Variants in CDH12 observed in about 807,000 individuals in gnomAD.
The protein encoded by CDH12 is cadherin 12, also known as cadherin-12.
CDH12 carries 41 observed loss-of-function variants against 74.1 expected under a neutral mutation model. The ratio of observed to expected loss-of-function variants is 0.55; its 90% CI spans 0.43 to 0.72. CDH12 has a LOEUF of 0.72. CDH12 is among the 30% of genes least tolerant of loss of function. The pLI, the probability that CDH12 is intolerant of heterozygous loss-of-function variation, is 0.00. For synonymous variants in CDH12, 399 were observed against 355.0 expected (o/e 1.12, Z -1.39); for missense variants, 945 against 977.2 (o/e 0.97, Z 0.44).
chr5:22,846,740 C>T (rs566946926), intron 1 of CDH12, among the ~76,000 whole-genome samples: 1 of 152,234 alleles, frequency 6.6e-6, no homozygotes, highest in South Asian at 2.1e-4. Flanking sequence ...ATGACCTTCA[C>T]TTTTGTTTTT....
At position 22,288,580 on chromosome 5, in the gene CDH12, G is replaced by C. The variant is rs187597567; in HGVS notation, c.-332-75937C>G. Among the ~76,000 whole-genome samples the C allele has an allele frequency of 2.0e-4, 30 of 152,268 alleles. No individual in the cohort carries two copies. In the Middle Eastern group the frequency reaches 0.01, roughly 52 times the overall value. On this transcript the variant is annotated intron_variant, in intron 3 of 14. Coordinates refer to ENST00000382254, the MANE Select transcript of CDH12 (RefSeq NM_004061.5). ...TTTTTGGAAGACAGAAGAAGAATAA[G>C]TTAGTGACTAATCTATGTGAGCTGC... is the stretch of plus-strand genomic sequence containing the variant.
chr5:22,205,049 A>T (rs913901379), intron 4 of CDH12, among the ~76,000 whole-genome samples: 4 of 152,372 alleles, frequency 2.6e-5, no homozygotes, highest in Admixed American at 2.6e-4. Flanking sequence ...TAAGAGGTAC[A>T]CAATAGTTAC....
At chr5:22,044,869 C>A (rs1200152769) in intron 5 of CDH12, among the ~76,000 whole-genome samples, 3 of 152,128 alleles carry the variant, frequency 2.0e-5, no homozygotes, top group Non-Finnish European at 4.4e-5. Context: ...GGAAATGCTA[C>A]AAGTCATTTG....
At chr5:21,920,686 A>ATAATAATAATAATAATAATAATAATAC (rs1421552503) in intron 6 of CDH12, among the ~76,000 whole-genome samples, 8 of 150,004 alleles carry the variant, frequency 5.3e-5, no homozygotes, top group African/African-American at 1.9e-4. Flanking sequence ...AATAATAATA[A>ATAATAATAATAATAATAATAATAATAC]TAATCTTCAA....
At chr5:22,800,027 G>A (rs140029697) in intron 1 of CDH12, among the ~76,000 whole-genome samples, 42 of 152,238 alleles carry the variant, frequency 2.8e-4, no homozygotes, top group African/African-American at 9.9e-4. Flanking sequence ...AGGGCATTAC[G>A]TGATAAATGC....
At chr5:22,648,710 G>T (rs1739571018) in intron 1 of CDH12, among the ~76,000 whole-genome samples, 1 of 151,756 alleles carries the variant, frequency 6.6e-6, no homozygotes, top group African/African-American at 2.4e-5. Context: ...ATTTGGAGTT[G>T]TTTCTTTAGG....
At chr5:22,571,806 G>A (rs776981302) in intron 1 of CDH12, among the ~76,000 whole-genome samples, 1 of 152,066 alleles carries the variant, frequency 6.6e-6, no homozygotes, top group Non-Finnish European at 1.5e-5. Flanking sequence ...GGGGCAATCG[G>A]AACACATAAC....
At chr5:22,534,228 G>C (rs1737723063) in intron 1 of CDH12, among the ~76,000 whole-genome samples, 1 of 151,504 alleles carries the variant, frequency 6.6e-6, no homozygotes, top group Non-Finnish European at 1.5e-5. Flanking sequence ...GTAGGTTATT[G>C]GGAAACAGGT....
intron 2 of CDH12, among the ~76,000 whole-genome samples, chr5:22,406,525 T>C (rs549230458): frequency 6.6e-6 from 1 of 152,266 alleles, no homozygotes; most frequent in East Asian, 1.9e-4. Flanking sequence ...TCTCTCAAAA[T>C]ATGACTCTTT....
intron 5 of CDH12, among the ~76,000 whole-genome samples, chr5:22,043,784 G>A (rs1051502995): frequency 7.3e-5 from 11 of 150,590 alleles, no homozygotes; most frequent in Non-Finnish European, 1.2e-4. Context: ...AAAAGCAATA[G>A]TGTTGCTATA....
At chr5:22,131,171 T>C (rs1430301033) in intron 4 of CDH12, among the ~76,000 whole-genome samples, 3 of 152,126 alleles carry the variant, frequency 2.0e-5, no homozygotes, top group Non-Finnish European at 4.4e-5. Flanking sequence ...ACTCTATGTA[T>C]AGATATGTCT....
At chr5:22,673,342 G>C (rs1463586480) in intron 1 of CDH12, among the ~76,000 whole-genome samples, 1 of 152,114 alleles carries the variant, frequency 6.6e-6, no homozygotes, top group African/African-American at 2.4e-5. Flanking sequence ...AATACTTAAT[G>C]AATATAAACT....
chr5:22,520,965 A>G (rs1487018452), intron 1 of CDH12, among the ~76,000 whole-genome samples: 2 of 149,864 alleles, frequency 1.3e-5, no homozygotes, highest in African/African-American at 4.9e-5. Flanking sequence ...CAAGCAATCA[A>G]GCTTGCTCCC....
chr5:21,765,093 G>A lies in CDH12; in HGVS notation c.1400C>T (p.Pro467Leu), dbSNP rs755127598. Residue 467 changes from proline (P) to leucine (L), a missense_variant, in exon 12 of 15, where the codon CCT becomes CTT. Transcript: ENST00000382254. ...FSIIASKVSN[P>L]LLTSKVNILI... ...TATATTGACTTTGCTGGTCAATAAA[G>A]GGTTACCTGTTAAAAACATATAAAG... 1 of 1,571,178 alleles carries A rather than the reference G, an allele frequency of 6.4e-7. No homozygotes were observed. Among genetic ancestry groups the A allele is most frequent in the Non-Finnish European group, 8.6e-7 (1 of 1,161,542 alleles).
rs553856277 is a variant in CDH12, at chr5:22,456,362, T to C, written c.-428+48908A>G. Reference sequence around the variant, plus strand: ...TCAGCTCTCATGTGTCAGTGTGTATTGACTCCTGTACACTATTGCTAACAA... The same window carrying C: ...TCAGCTCTCATGTGTCAGTGTGTATCGACTCCTGTACACTATTGCTAACAA... On this transcript the variant is annotated intron_variant, in intron 2 of 14. Transcript: ENST00000382254. Among the ~76,000 whole-genome samples the C allele has an allele frequency of 3.9e-5, 6 of 152,110 alleles. No homozygotes were observed. In the South Asian group the frequency reaches 1.2e-3, roughly 32 times the overall value.
At position 22,701,643 on chromosome 5, in the gene CDH12, C is replaced by T. The variant is rs775319899; in HGVS notation, c.-523+151415G>A. ...TGTCCTAAAGCATTGCCTTTTATTA[C>T]TGGTTTTAGATCAATTTGGGAGGAA... On this transcript the variant is annotated intron_variant, in intron 1 of 14. Transcript: ENST00000382254. Among the ~76,000 whole-genome samples the T allele has an allele frequency of 3.9e-5, 6 of 152,016 alleles. No homozygotes were observed. The South Asian group carries it at 1.2e-3, about 32-fold the overall frequency.
chr5:22,832,460 G>A (rs1256033696), intron 1 of CDH12, among the ~76,000 whole-genome samples: 2 of 152,066 alleles, frequency 1.3e-5, no homozygotes, highest in Non-Finnish European at 2.9e-5. Flanking sequence ...GAATATAAGC[G>A]CTTGTTAAAA....
intron 1 of CDH12, among the ~76,000 whole-genome samples, chr5:22,693,036 A>G (rs1377790215): frequency 6.9e-6 from 1 of 144,540 alleles, no homozygotes; most frequent in African/African-American, 2.6e-5. Flanking sequence ...TTTTTTCTTG[A>G]CATGGTGTTT....
chr5:22,642,684 A>T (rs1460269635), intron 1 of CDH12, among the ~76,000 whole-genome samples: 1 of 152,144 alleles, frequency 6.6e-6, no homozygotes, highest in East Asian at 1.9e-4. Context: ...TTTTTTAAAA[A>T]TTGGAATAAA....
Sources: gnomAD v4.1 joint callset for allele counts (sites outside exome capture counted in the v4.1 genomes callset) on GRCh38, gnomAD v4.1.1 for gene constraint, MANE v1.5 for transcripts, NCBI Gene and HGNC (gene_info 2026-07-23, HGNC 2026-07-21) for gene names.